The following AP4E1 variants were observed in gnomAD, a reference collection of about 807,000 sequenced individuals.
The protein encoded by AP4E1 is adaptor related protein complex 4 subunit epsilon 1.
AP4E1 carries 56 observed loss-of-function variants against 128.2 expected under a neutral mutation model. That is an observed-to-expected ratio of 0.44 (90% CI 0.35 to 0.55). AP4E1 has a LOEUF of 0.55. AP4E1 is among the 20% of genes least tolerant of loss of function. The pLI is 0.00. For missense variants in AP4E1, 1,324 were observed against 1,307.7 expected (o/e 1.01, Z -0.19); for synonymous variants, 484 against 473.1 (o/e 1.02, Z -0.30).
chr15:50,960,747 C>T (rs1209584155), intron 14 of AP4E1, among the ~76,000 whole-genome samples: 1 of 150,034 alleles, frequency 6.7e-6, no homozygotes, highest in Non-Finnish European at 1.5e-5. Context: ...AAACCAAACT[C>T]AACATTAGTA....
At chr15:50,929,633 TG>T (rs2063808119) in intron 6 of AP4E1, among the ~76,000 whole-genome samples, 2 of 152,174 alleles carry the variant, frequency 1.3e-5, no homozygotes, top group Admixed American at 1.3e-4. Flanking sequence ...ATGGCGATGG[TG>T]GATTTATACT....
At chr15:50,985,719 T>C (rs1241415366) in intron 16 of AP4E1, among the ~76,000 whole-genome samples, 9 of 152,248 alleles carry the variant, frequency 5.9e-5, no homozygotes, top group African/African-American at 1.9e-4. Context: ...TGTAGTCTTG[T>C]AGTGTAGCTT....
At chr15:50,943,314 G>A (rs1247719911) in intron 10 of AP4E1, among the ~76,000 whole-genome samples, 1 of 152,080 alleles carries the variant, frequency 6.6e-6, no homozygotes, top group Non-Finnish European at 1.5e-5. Flanking sequence ...AGTTTATTGA[G>A]AGAACACTAT....
At chr15:50,908,617 C>T, upstream of AP4E1, 3 of 980,506 alleles carry the variant, frequency 3.1e-6, no homozygotes, top group Non-Finnish European at 4.1e-6. Context: ...GGTGGCCTCT[C>T]GCGAGAACGA....
At chr15:51,000,718 C>A (rs368645805) in intron 19 of AP4E1, among the ~76,000 whole-genome samples, 1 of 152,044 alleles carries the variant, frequency 6.6e-6, no homozygotes, top group African/African-American at 2.4e-5. Context: ...AAGAAAAGTT[C>A]TGTATTATAG....
At chr15:51,002,442 G>A (rs764196212) in intron 20 of AP4E1, 60 bp from the exon 21 acceptor site, 91 of 1,574,218 alleles carry the variant, frequency 5.8e-5, no homozygotes, top group Non-Finnish European at 7.7e-5. Flanking sequence ...TATCTTCTTG[G>A]AGAAATGTCT....
At chr15:50,974,266 ATT>A (rs958466492) in intron 15 of AP4E1, among the ~76,000 whole-genome samples, 26 of 112,528 alleles carry the variant, frequency 2.3e-4, no homozygotes, top group African/African-American at 2.9e-4. Flanking sequence ...GTGCCCGGCC[ATT>A]TTTTTTTTTT....
intron 3 of AP4E1, among the ~76,000 whole-genome samples, chr15:50,922,839 G>A (rs551765149): frequency 2.6e-5 from 4 of 151,342 alleles, no homozygotes; most frequent in East Asian, 2.0e-4. Context: ...GTGCAGTGGC[G>A]TGATCTTGGC....
intron 7 of AP4E1, 80 bp from the exon 8 acceptor site, chr15:50,934,544 T>C (rs1445940214): frequency 1.1e-6 from 1 of 924,244 alleles, no homozygotes; most frequent in Non-Finnish European, 1.7e-6. Flanking sequence ...AGATCCTCAG[T>C]TTTAAAGAGA....
intron 8 of AP4E1, among the ~76,000 whole-genome samples, chr15:50,936,372 C>G (rs1272268172): frequency 6.6e-6 from 1 of 150,566 alleles, no homozygotes; most frequent in African/African-American, 2.4e-5. Context: ...TTTTTTTTTC[C>G]CTTGCAGAAA....
At chr15:50,962,203 A>C (rs527780406) in intron 14 of AP4E1, among the ~76,000 whole-genome samples, 2 of 152,168 alleles carry the variant, frequency 1.3e-5, no homozygotes, top group African/African-American at 4.8e-5. Flanking sequence ...ACCAATCTAC[A>C]GATTCAATGT....
intron 15 of AP4E1, among the ~76,000 whole-genome samples, chr15:50,979,261 A>G (rs2064603999): frequency 1.3e-5 from 2 of 152,212 alleles, no homozygotes; most frequent in Non-Finnish European, 2.9e-5. Flanking sequence ...CAAAACCCGT[A>G]TTTAAATTTA....
chr15:50,948,207 T>G, intron 11 of AP4E1, 48 bp downstream of exon 11: 1 of 937,228 alleles, frequency 1.1e-6, no homozygotes, highest in South Asian at 1.5e-5. Context: ...AGTTATGCAG[T>G]GACTTTAAGA....
rs1595569250 is a variant in AP4E1 at position 50,981,188 on chromosome 15, G to A, written c.1967-2834G>A. Among the ~76,000 whole-genome samples, 3 of 152,294 alleles carry A rather than the reference G, an allele frequency of 2.0e-5. No individual in the cohort carries two copies. The South Asian group carries it at 6.2e-4, about 32-fold the overall frequency. On this transcript the variant is annotated intron_variant, in intron 15 of 20. Transcript: ENST00000261842. ...CCAATCCCCTGAGAGCTGCTGGGTG[G>A]ACTGAGCCCCAAAGCCATAGGACTT...
chr15:50,970,330 T>G, intron 15 of AP4E1, among the ~76,000 whole-genome samples: 1 of 152,228 alleles, frequency 6.6e-6, no homozygotes, highest in East Asian at 1.9e-4. Context: ...ATCATTTTCT[T>G]TATCCATTCA....
At chr15:50,938,039 G>GT (rs1263325711) in intron 8 of AP4E1, among the ~76,000 whole-genome samples, 5 of 151,752 alleles carry the variant, frequency 3.3e-5, no homozygotes, top group Admixed American at 6.6e-5. Flanking sequence ...GTACTTTTCC[G>GT]TTTTTTTTCT....
intron 15 of AP4E1, among the ~76,000 whole-genome samples, chr15:50,977,735 TC>T: frequency 7.4e-6 from 1 of 134,390 alleles, no homozygotes. Flanking sequence ...TTAGACAGAG[TC>T]TCTCTCTGTT....
chr15:50,995,646 A>G (rs2064858969), intron 17 of AP4E1, among the ~76,000 whole-genome samples: 1 of 151,990 alleles, frequency 6.6e-6, no homozygotes, highest in Admixed American at 6.5e-5. Flanking sequence ...TTGGCCTCCC[A>G]AAGTGTTGGG....
intron 17 of AP4E1, 94 bp downstream of exon 17, chr15:50,993,719 T>A: frequency 6.6e-7 from 1 of 1,504,406 alleles, no homozygotes; most frequent in South Asian, 1.2e-5. Context: ...CGTCTATATG[T>A]ATAGTGAAAA....
Sources: allele counts gnomAD v4.1 joint callset (sites outside exome capture counted in the v4.1 genomes callset), GRCh38; gene constraint gnomAD v4.1.1; transcripts MANE v1.5; gene names NCBI Gene and HGNC (gene_info 2026-07-23, HGNC 2026-07-21).